Variants in UGT2A2 observed in about 807,000 individuals in gnomAD.
The protein encoded by UGT2A2 is UDP glucuronosyltransferase family 2 member A2.
A neutral mutation model predicts 50.7 loss-of-function variants in UGT2A2; 60 were observed. The observed-to-expected ratio is 1.18, with a 90% CI of 0.96 to 1.47. UGT2A2 has a LOEUF of 1.47. UGT2A2 is among the 40% of genes most tolerant of loss of function. The pLI, the probability that UGT2A2 is intolerant of heterozygous loss-of-function variation, is 0.00. For synonymous variants in UGT2A2, 242 were observed against 214.6 expected (o/e 1.13, Z -1.11); for missense variants, 762 against 634.0 (o/e 1.20, Z -2.17).
At chr4:69,635,833 A>AG (rs1721662560) in intron 1 of UGT2A2, 1 of 139,682 alleles carries the variant, frequency 7.2e-6, no homozygotes, top group Non-Finnish European at 1.5e-5. Context: ...CTCACCAAAA[A>AG]AAAAAAAAAA....
chr4:69,610,158 C>T (rs1378277778), intron 1 of UGT2A2, among the ~76,000 whole-genome samples: 1 of 151,946 alleles, frequency 6.6e-6, no homozygotes, highest in African/African-American at 2.4e-5. Context: ...AAAATACATG[C>T]ATATTTTAAA....
At chr4:69,611,614 G>T (rs536928535) in intron 1 of UGT2A2, among the ~76,000 whole-genome samples, 1 of 152,136 alleles carries the variant, frequency 6.6e-6, no homozygotes, top group East Asian at 1.9e-4. Context: ...GAAAACGAAG[G>T]TCTAACAGGG....
At chr4:69,618,221 T>TTG (rs112693693) in intron 1 of UGT2A2, among the ~76,000 whole-genome samples, 41,676 of 144,546 alleles carry the variant, frequency 0.29, 6,029 homozygotes, top group African/African-American at 0.3. Flanking sequence ...GTGTGTATGT[T>TTG]TGTGTGTGTG....
At chr4:69,633,699 A>G (rs2109959497) in intron 1 of UGT2A2, among the ~76,000 whole-genome samples, 1 of 152,318 alleles carries the variant, frequency 6.6e-6, no homozygotes, top group South Asian at 2.1e-4. Context: ...GATACAAAGG[A>G]GTACATAATG....
In UGT2A2 at chr4:69,602,872, T is replaced by C. The variant is rs1435807054; in HGVS notation, c.743-3478A>G. On this transcript the variant is annotated intron_variant, in intron 1 of 5. Transcript: ENST00000604629. ...TTAAGGGTCAGGAGTTCAAGACCAG[T>C]GTGGCCAAGATGGTGAAACCCCGTC... 3.0e-5 allele frequency among the ~76,000 whole-genome samples: 4 copies of C among 134,638 alleles called. 1 individual carries two copies. The highest frequency in any genetic ancestry group is 1.5e-4 in the Admixed American group (2 of 13,592). The allele number at this position is 134,638 out of a possible 152,430, so 88.3% of individuals were successfully genotyped here. A position where few individuals can be genotyped will look rare whatever the true frequency, so the allele number is the denominator to read the frequency against.
chr4:69,609,361 A>G (rs1016828977), intron 1 of UGT2A2, among the ~76,000 whole-genome samples: 5 of 151,228 alleles, frequency 3.3e-5, no homozygotes, highest in African/African-American at 1.2e-4. Context: ...TTCAGTTTTA[A>G]TTTTTTGTTT....
Position 69,594,711 on chromosome 4 carries a change from G to C in UGT2A2, c.1112-15C>G, listed in dbSNP as rs1257981705. 1.9e-6 allele frequency: 3 copies of C among 1,608,252 alleles called. No homozygotes were observed. The highest frequency in any genetic ancestry group is 1.7e-5 in the Admixed American group (1 of 59,128). On this transcript the variant is annotated splice_polypyrimidine_tract_variant and intron_variant, in intron 4 of 5. Coordinates refer to ENST00000604629, the MANE Select transcript of UGT2A2 (RefSeq NM_001105677.2). ...TTTGGGATGTCCTAATTTGAGGATG[G>C]AGTGAGAAGTGGGTGTGTAATAATA...
Position 69,639,467 on chromosome 4 carries a change from A to C in UGT2A2, c.174T>G (p.Asn58Lys). The C allele has an allele frequency of 6.2e-7, 1 of 1,613,224 alleles. No individual in the cohort carries two copies. The highest frequency in any genetic ancestry group is 8.5e-7 in the Non-Finnish European group (1 of 1,179,568). The change falls in exon 1 of 6, where the codon AAT (asparagine) becomes AAG (lysine). Residue 58 changes from asparagine (N) to lysine (K), a missense_variant. Transcript: ENST00000604629. ...TTGCTGATGAAGCCAGTACAGTCAC[A>C]TTGTGATTTCTTTGAATCAACTCTT... ...ILEELIQRNH[N>K]VTVLASSATL...
At chr4:69,594,421 G>C in intron 5 of UGT2A2, 56 bp downstream of exon 5, 1 of 1,574,436 alleles carries the variant, frequency 6.4e-7, no homozygotes, top group Non-Finnish European at 8.6e-7. Context: ...ACATTTTCTG[G>C]TATTATGAAT....
At chr4:69,633,727 A>G (rs1721513444) in intron 1 of UGT2A2, among the ~76,000 whole-genome samples, 1 of 152,168 alleles carries the variant, frequency 6.6e-6, no homozygotes, top group Non-Finnish European at 1.5e-5. Context: ...CAACTATATA[A>G]CGTTTAAAGT....
intron 2 of UGT2A2, 146 bp downstream of exon 2, chr4:69,599,100 G>A: frequency 8.3e-7 from 1 of 1,205,496 alleles, no homozygotes; most frequent in East Asian, 2.6e-5. Flanking sequence ...TCACTTGTAG[G>A]AGACCTCTAT....
chr4:69,622,973 G>A (rs1720837314), intron 1 of UGT2A2, among the ~76,000 whole-genome samples: 1 of 151,700 alleles, frequency 6.6e-6, no homozygotes, highest in African/African-American at 2.4e-5. Context: ...GGGTCATAAA[G>A]GTCTCTTTAA....
At chr4:69,623,325 C>T (rs576873041) in intron 1 of UGT2A2, among the ~76,000 whole-genome samples, 35 of 151,786 alleles carry the variant, frequency 2.3e-4, no homozygotes, top group African/African-American at 8.4e-4. Context: ...GTTTTGAGTT[C>T]CCCAAGAAAC....
intron 1 of UGT2A2, 142 bp downstream of exon 1, chr4:69,638,755 AAT>A: frequency 9.3e-7 from 1 of 1,078,436 alleles, no homozygotes; most frequent in Non-Finnish European, 1.3e-6. Flanking sequence ...CAAAGAGAAT[AAT>A]CAGGGAATTG....
At chr4:69,618,221 T>TTGTGTGTGTGTGTGTG (rs112693693) in intron 1 of UGT2A2, among the ~76,000 whole-genome samples, 4 of 144,630 alleles carry the variant, frequency 2.8e-5, no homozygotes, top group Non-Finnish European at 6.0e-5. Context: ...GTGTGTATGT[T>TTGTGTGTGTGTGTGTG]TGTGTGTGTG....
chr4:69,620,088 C>T (rs1720654623), intron 1 of UGT2A2, among the ~76,000 whole-genome samples: 1 of 152,004 alleles, frequency 6.6e-6, no homozygotes, highest in Non-Finnish European at 1.5e-5. Context: ...CAAGTATGCC[C>T]TCTCTCACTA....
chr4:69,590,681 T>A (rs1195951595), intron 5 of UGT2A2, among the ~76,000 whole-genome samples: 2 of 151,702 alleles, frequency 1.3e-5, no homozygotes, highest in East Asian at 1.9e-4. Flanking sequence ...GTCTGTCTAG[T>A]GAAAAAGAAT....
chr4:69,621,839 A>G, intron 1 of UGT2A2, among the ~76,000 whole-genome samples: 1 of 151,930 alleles, frequency 6.6e-6, no homozygotes, highest in Non-Finnish European at 1.5e-5. Context: ...GAAAGAGAAC[A>G]TGTTTTTTGC....
intron 1 of UGT2A2, among the ~76,000 whole-genome samples, chr4:69,621,648 T>A (rs1720763586): frequency 6.6e-6 from 1 of 151,936 alleles, no homozygotes. Context: ...ATCCCATTCC[T>A]GGGTATACAC....
Sources: gnomAD v4.1 joint callset for allele counts (sites outside exome capture counted in the v4.1 genomes callset) on GRCh38, gnomAD v4.1.1 for gene constraint, MANE v1.5 for transcripts, NCBI Gene and HGNC (gene_info 2026-07-23, HGNC 2026-07-21) for gene names.